Variants in ADAMTS13 observed in about 807,000 individuals in gnomAD.
ADAMTS13 encodes A disintegrin and metalloproteinase with thrombospondin motifs 13.
In ADAMTS13, 110 loss-of-function variants were observed where a neutral mutation model predicts 155.1. That is an observed-to-expected ratio of 0.71 (90% CI 0.61 to 0.83). ADAMTS13 has a LOEUF of 0.83. Ranked by LOEUF, ADAMTS13 falls within the 40% of genes least tolerant of loss-of-function variation. ADAMTS13 has a pLI of 0.00. For missense variants in ADAMTS13, 1,707 were observed against 1,891.7 expected, an observed-to-expected ratio of 0.90 and a Z score of 1.81; for synonymous variants, 758 against 756.4, an observed-to-expected ratio of 1.00 and a Z score of -0.03.
upstream of ADAMTS13, among the ~76,000 whole-genome samples, chr9:133,420,062 G>A (rs889570886): frequency 2.0e-5 from 3 of 152,190 alleles, no homozygotes; most frequent in Middle Eastern, 3.4e-3. Flanking sequence ...GTGCCACCAC[G>A]CCCGGCTAAT....
chr9:133,431,933 C>T (rs1840799700), intron 8 of ADAMTS13, among the ~76,000 whole-genome samples: 1 of 152,178 alleles, frequency 6.6e-6, no homozygotes, highest in Non-Finnish European at 1.5e-5. Context: ...GGATTACAGG[C>T]GTGAGCCACA....
chr9:133,414,957 T>C (rs1300237969), intron 1 of ADAMTS13: 4 of 1,609,536 alleles, frequency 2.5e-6, no homozygotes, highest in Non-Finnish European at 3.4e-6. Context: ...TTGGAACCCA[T>C]CTGAGAGATG....
chr9:133,430,023 C>T lies in ADAMTS13; in HGVS notation c.909C>T (p.Leu303=), dbSNP rs782059317. ...AGHPPDAQPG[L]YYSANEQCRV... is the part of the protein sequence containing the mutation. The stretch of plus-strand genomic sequence containing the variant: ...ACCCGCCGGATGCGCAGCCTGGCCT[C>T]TACTACAGCGCCAACGAGCAGTGCC... Residue 303 remains leucine, a synonymous_variant, in exon 8 of 29, where the codon CTC becomes CTT. Coordinates refer to ENST00000355699, the MANE Select transcript of ADAMTS13 (RefSeq NM_139027.6). 4 of 1,591,672 alleles carry T rather than the reference C, an allele frequency of 2.5e-6. No individual in the cohort carries two copies. The African/African-American group carries it at 5.4e-5, about 21-fold the overall frequency.
intron 1 of ADAMTS13, among the ~76,000 whole-genome samples, chr9:133,416,574 C>T (rs1368676367): frequency 6.6e-6 from 1 of 152,050 alleles, no homozygotes; most frequent in Admixed American, 6.5e-5. Flanking sequence ...GAGGTAGCTC[C>T]AAGGGAGCTC....
chr9:133,424,215 G>A lies in ADAMTS13; in HGVS notation c.173-106G>A. On this transcript the variant is annotated intron_variant, in intron 2 of 28. Coordinates refer to ENST00000355699, the MANE Select transcript of ADAMTS13 (RefSeq NM_139027.6). This position sits in a 1 kb window ranked among gnomAD's most constrained non-coding sequence, Gnocchi z 4.3. Reference sequence around the variant, plus strand: ...GGGTGGGGGTGACACGCAATGTCTTGACTTCGGAAGGCCATCCTTCCAAGA... The same window carrying A: ...GGGTGGGGGTGACACGCAATGTCTTAACTTCGGAAGGCCATCCTTCCAAGA... 6.4e-7 allele frequency: 1 copy of A among 1,561,732 alleles called. No individual in the cohort carries two copies. The highest frequency in any genetic ancestry group is 8.7e-7 in the Non-Finnish European group (1 of 1,147,894).
rs377187626 is a variant in ADAMTS13 at position 133,443,492 on chromosome 9, G to A, written c.2351G>A (p.Arg784Gln). The change falls in exon 19 of 29, where the codon CGG becomes CAG. Residue 784 changes from arginine (R) to glutamine (Q), a missense_variant. Physicochemically the swap from Arg to Gln is conservative, Grantham distance 43. Around this residue, in one of 3 missense-constraint regions of ADAMTS13, gnomAD observed 961 missense variants for 1,107.9 expected, o/e 0.87. Coordinates refer to ENST00000355699, the MANE Select transcript of ADAMTS13 (RefSeq NM_139027.6). ...CTCCTGAAGACATTGCCCCCAGCCC[G>A]GTGCAGAGCAGGGGCCCAGCAGCCA... is the stretch of plus-strand genomic sequence containing the variant. Reference protein sequence around the residue: ...GSLLKTLPPARCRAGAQQPAV... With the variant: ...GSLLKTLPPAQCRAGAQQPAV... 47 of 1,587,052 alleles carry A rather than the reference G, an allele frequency of 3.0e-5. No individual in the cohort carries two copies. Among genetic ancestry groups the A allele is most frequent in the South Asian group, 2.0e-4 (18 of 87,842 alleles).
In ADAMTS13 at chr9:133,456,224, A is replaced by G. The variant is rs782482403; in HGVS notation, c.3547+9A>G. 6.2e-7 allele frequency: 1 copy of G among 1,613,232 alleles called. No homozygotes were observed. Among genetic ancestry groups the G allele is most frequent in the African/African-American group, 1.3e-5 (1 of 74,932 alleles). On this transcript the variant is annotated intron_variant, in intron 26 of 28. Coordinates refer to ENST00000355699, the MANE Select transcript of ADAMTS13 (RefSeq NM_139027.6). The surrounding 1 kb of genome is among the most constrained non-coding windows in gnomAD (Gnocchi z 4.4). ...TCTCAACTGCAGTGCGGGTATGTCT[A>G]GGGCCATGCAAGCGATGCTGCCAGT...
intron 6 of ADAMTS13, 62 bp downstream of exon 6, chr9:133,426,407 G>A (rs2130786932): frequency 1.9e-6 from 3 of 1,592,980 alleles, no homozygotes; most frequent in East Asian, 4.5e-5. Context: ...TACCCAGGGT[G>A]GAGGTGGTCT....
chr9:133,438,823 A>C (rs1465122178), intron 14 of ADAMTS13, among the ~76,000 whole-genome samples: 1 of 150,186 alleles, frequency 6.7e-6, no homozygotes, highest in Non-Finnish European at 1.5e-5. Flanking sequence ...CTGAGGCAGG[A>C]GAATTGCTTG....
chr9:133,455,247 C>G, intron 24 of ADAMTS13, 38 bp from the exon 25 acceptor site: 5 of 1,594,378 alleles, frequency 3.1e-6, no homozygotes, highest in Non-Finnish European at 4.3e-6. Context: ...CACCTTCTGG[C>G]AGGGTCAGCT....
At position 133,440,310 on chromosome 9, in the gene ADAMTS13, C is replaced by T; in HGVS notation, c.1787-34C>T. 1.2e-6 allele frequency: 2 copies of T among 1,613,272 alleles called. No individual in the cohort carries two copies. Among genetic ancestry groups the T allele is most frequent in the African/African-American group, 1.3e-5 (1 of 75,044 alleles). On this transcript the variant is annotated intron_variant, in intron 15 of 28. Transcript: ENST00000355699. The surrounding 1 kb of genome is among the most constrained non-coding windows in gnomAD (Gnocchi z 4.3). ...GCCTGTGAGGAGGATGGGTGCTCAG[C>T]TCCACACAGCTAACAGGGCTGGTTC...
Position 133,430,029 on chromosome 9 carries a change from C to A in ADAMTS13, c.915C>A (p.Tyr305Ter), listed in dbSNP as rs1840627224. ...CGGATGCGCAGCCTGGCCTCTACTA[C>A]AGCGCCAACGAGCAGTGCCGCGTGG... ...HPPDAQPGLYYSANEQCRVAF... is the reference protein window; with the variant it reads ...HPPDAQPGLY Residue 305 changes from tyrosine (Y) to a stop codon, truncating the protein, a stop_gained, in exon 8 of 29, where the codon TAC (tyrosine) becomes TAA (stop). Coordinates refer to ENST00000355699, the MANE Select transcript of ADAMTS13 (RefSeq NM_139027.6). LOFTEE classifies it high-confidence loss of function. The A allele has an allele frequency of 8.2e-6, 13 of 1,593,666 alleles. No individual in the cohort carries two copies. The highest frequency in any genetic ancestry group is 1.1e-5 in the Non-Finnish European group (13 of 1,175,312).
intron 14 of ADAMTS13, among the ~76,000 whole-genome samples, 193 bp downstream of exon 14, chr9:133,438,559 T>C (rs1056609196): frequency 9.9e-5 from 15 of 152,112 alleles, no homozygotes; most frequent in African/African-American, 3.6e-4. Context: ...GTTTTGGCCT[T>C]GATGCTGCTG....
In ADAMTS13 at chr9:133,456,005, C is replaced by T. The variant is rs1329297936; in HGVS notation, c.3401-64C>T. The T allele has an allele frequency of 1.7e-5, 27 of 1,609,048 alleles. No homozygotes were observed. The highest frequency in any genetic ancestry group is 2.2e-5 in the Non-Finnish European group (26 of 1,178,240). On this transcript the variant is annotated intron_variant, in intron 25 of 28. Coordinates refer to ENST00000355699, the MANE Select transcript of ADAMTS13 (RefSeq NM_139027.6). The surrounding 1 kb of genome is among the most constrained non-coding windows in gnomAD (Gnocchi z 4.4). ...TGGTCTCCTTCCTCAGCTTGGAAGC[C>T]CCGGAGCCTGCCCTGCTGGGAATCG...
rs781837868 is a variant in ADAMTS13, at chr9:133,455,611, C to T, written c.3400+176C>T. The T allele has an allele frequency of 6.3e-6, 10 of 1,599,756 alleles. No individual in the cohort carries two copies. Among genetic ancestry groups the T allele is most frequent in the Middle Eastern group, 2.2e-4 (1 of 4,452 alleles). The stretch of plus-strand genomic sequence containing the variant: ...AAAACTCAGTGCAGTCCAGTTATGT[C>T]CTGTCCTCCTTCCTGTCAGGCAGCT... On this transcript the variant is annotated intron_variant, in intron 25 of 28. Coordinates refer to ENST00000355699, the MANE Select transcript of ADAMTS13 (RefSeq NM_139027.6).
intron 25 of ADAMTS13, chr9:133,455,820 C>T (rs1842706033): frequency 3.8e-6 from 3 of 780,898 alleles, no homozygotes; most frequent in Non-Finnish European, 6.2e-6. Context: ...AGCTTGTGAG[C>T]CCCCTAGCCT....
intron 21 of ADAMTS13, among the ~76,000 whole-genome samples, chr9:133,446,887 T>C (rs1554792815): frequency 2.0e-5 from 3 of 152,224 alleles, no homozygotes; most frequent in African/African-American, 7.2e-5. Context: ...AGACAGAGTC[T>C]CATTCTGTTG....
At position 133,429,981 on chromosome 9, in the gene ADAMTS13, A is replaced by G; in HGVS notation, c.867A>G (p.Gln289=). ...GCGTGTGGGACCCGCCGCGGCCTCAACCCGGGTCCGCGGGGCACCCGCCGG... is the reference window on the plus strand; with the variant it reads ...GCGTGTGGGACCCGCCGCGGCCTCAGCCCGGGTCCGCGGGGCACCCGCCGG... ...ARCVWDPPRP[Q]PGSAGHPPDA... is the part of the protein sequence containing the mutation. Residue 289 remains glutamine (Q), a synonymous_variant, in exon 8 of 29, where the codon CAA becomes CAG. Transcript: ENST00000355699. The G allele has an allele frequency of 1.9e-6, 3 of 1,550,818 alleles. No individual in the cohort carries two copies. The highest frequency in any genetic ancestry group is 1.7e-6 in the Non-Finnish European group (2 of 1,152,968).
At position 133,426,008 on chromosome 9, in the gene ADAMTS13, A is replaced by C. The variant is rs782747858; in HGVS notation, c.485A>C (p.Asn162Thr). Residue 162 changes from asparagine (N) to threonine (T), a missense_variant, in exon 5 of 29, where the codon AAC becomes ACC. Physicochemically the swap from Asn to Thr is moderately conservative, Grantham distance 65 (BLOSUM62 0). This residue lies in a region of ADAMTS13 where 733 missense variants were observed against 749.6 expected (regional missense o/e 0.98). Coordinates refer to ENST00000355699, the MANE Select transcript of ADAMTS13 (RefSeq NM_139027.6). ...GTCTGTGGGTGGAGCCAGACCATCA[A>C]CCCTGAGGACGACACGGATCCTGGC... ...LSVCGWSQTINPEDDTDPGHA... is the reference protein window; with the variant it reads ...LSVCGWSQTITPEDDTDPGHA... 1 of 1,613,926 alleles carries C rather than the reference A, an allele frequency of 6.2e-7. No individual in the cohort carries two copies. The highest frequency in any genetic ancestry group is 1.3e-5 in the African/African-American group (1 of 75,022).
Sources: allele counts gnomAD v4.1 joint callset (sites outside exome capture counted in the v4.1 genomes callset), GRCh38; gene constraint gnomAD v4.1.1; regional missense constraint gnomAD v4.1.1; non-coding constraint Gnocchi (gnomAD v3.1); transcripts MANE v1.5; gene names NCBI Gene and HGNC (gene_info 2026-07-23, HGNC 2026-07-21).